The following MON2 variants were observed in gnomAD, a reference collection of about 807,000 sequenced individuals.
MON2 encodes protein MON2 homolog.
A neutral mutation model predicts 208.6 loss-of-function variants in MON2; 84 were observed. That is an observed-to-expected ratio of 0.40 (90% CI 0.34 to 0.48). The LOEUF (loss-of-function observed/expected upper bound fraction) is 0.48, where lower values mean the gene tolerates loss of function less well. MON2 is among the 20% of genes least tolerant of loss of function. The pLI is 0.59. For missense variants in MON2, 1,611 were observed against 2,015.4 expected (o/e 0.80, Z 3.84); for synonymous variants, 660 against 694.0 (o/e 0.95, Z 0.77).
chr12:62,572,063 C>G (rs901703863), intron 30 of MON2, among the ~76,000 whole-genome samples: 5 of 152,204 alleles, frequency 3.3e-5, no homozygotes, highest in African/African-American at 1.2e-4. Flanking sequence ...TTCAACCCCT[C>G]ACTGAACTAC....
intron 34 of MON2, among the ~76,000 whole-genome samples, chr12:62,589,348 G>GA (rs2075319334): frequency 6.6e-6 from 1 of 152,014 alleles, no homozygotes; most frequent in Non-Finnish European, 1.5e-5. Context: ...TAATATCCAA[G>GA]AAAAAAGTAG....
intron 1 of MON2, among the ~76,000 whole-genome samples, chr12:62,474,935 T>C (rs1263568493): frequency 6.6e-6 from 1 of 152,204 alleles, no homozygotes; most frequent in Non-Finnish European, 1.5e-5. Context: ...TTCTCAGCTA[T>C]TATGCTAGTT....
chr12:62,510,592 A>T (rs1289402315), intron 8 of MON2, among the ~76,000 whole-genome samples: 2 of 152,218 alleles, frequency 1.3e-5, no homozygotes, highest in Non-Finnish European at 2.9e-5. Context: ...TCATCCTTTC[A>T]TGATAAAAAC....
chr12:62,562,209 A>G (rs1309205599), intron 26 of MON2, among the ~76,000 whole-genome samples: 2 of 152,114 alleles, frequency 1.3e-5, no homozygotes, highest in Non-Finnish European at 2.9e-5. Context: ...AAAAGAAAAT[A>G]AGACATAGGC....
chr12:62,539,424 C>T (rs866879376), intron 19 of MON2, among the ~76,000 whole-genome samples: 7 of 151,756 alleles, frequency 4.6e-5, no homozygotes, highest in Admixed American at 2.0e-4. Flanking sequence ...CCACCACGCC[C>T]GGCTAATTTT....
chr12:62,495,043 C>T lies in MON2; in HGVS notation c.331C>T (p.Leu111Phe). The part of the protein sequence containing the change: ...ETAAGNIINM[L>F]WQLMENSLEE... Reference sequence around the variant, plus strand: ...TGCAGCTGGAAATATAATTAACATGCTTTGGCAGCTAATGGAGAATAGTCT... The same window carrying T: ...TGCAGCTGGAAATATAATTAACATGTTTTGGCAGCTAATGGAGAATAGTCT... Residue 111 changes from leucine to phenylalanine, a missense_variant, in exon 4 of 35, where the codon CTT (leucine) becomes TTT (phenylalanine). Transcript: ENST00000393630. 1 of 1,608,830 alleles carries T rather than the reference C, an allele frequency of 6.2e-7. No individual in the cohort carries two copies. Among genetic ancestry groups the T allele is most frequent in the Non-Finnish European group, 8.5e-7 (1 of 1,176,520 alleles).
chr12:62,562,910 AATTT>A (rs768871699), intron 26 of MON2, among the ~76,000 whole-genome samples: 19 of 152,248 alleles, frequency 1.2e-4, no homozygotes, highest in African/African-American at 4.3e-4. Context: ...TATATGTGCT[AATTT>A]ATTTATTTAT....
chr12:62,528,250 C>G (rs540374587), intron 11 of MON2, among the ~76,000 whole-genome samples: 1 of 152,222 alleles, frequency 6.6e-6, no homozygotes, highest in African/African-American at 2.4e-5. Context: ...AATGATTTCA[C>G]TATTTTCTTT....
At chr12:62,508,202 G>C (rs2071201900) in intron 7 of MON2, 84 bp from the exon 8 acceptor site, 1 of 1,016,524 alleles carries the variant, frequency 9.8e-7, no homozygotes, top group Non-Finnish European at 1.5e-6. Flanking sequence ...AAGAAGTTTT[G>C]TTTCCTAGTG....
At chr12:62,575,880 A>C (rs2074757765) in intron 30 of MON2, among the ~76,000 whole-genome samples, 1 of 152,190 alleles carries the variant, frequency 6.6e-6, no homozygotes, top group African/African-American at 2.4e-5. Context: ...GTTATAAAGG[A>C]GACACAATGG....
At chr12:62,563,124 C>T (rs895635523) in intron 26 of MON2, among the ~76,000 whole-genome samples, 1 of 152,314 alleles carries the variant, frequency 6.6e-6, no homozygotes, top group Middle Eastern at 3.4e-3. Context: ...GACAGCATCA[C>T]ATTGTATGTG....
chr12:62,513,976 A>G (rs1006313158), intron 8 of MON2, among the ~76,000 whole-genome samples: 3 of 147,136 alleles, frequency 2.0e-5, no homozygotes, highest in Admixed American at 6.9e-5. Flanking sequence ...AAAGAAAGAA[A>G]GAAATGCCTT....
In MON2 at chr12:62,561,120, T is replaced by C. The variant is rs1210849971; in HGVS notation, c.4032+7T>C. ...TTTAGATGTTCTCCAAAAGGTAATA[T>C]AATTTTAGTGGCTAAGTAATACTGC... is the stretch of plus-strand genomic sequence containing the variant. On this transcript the variant is annotated splice_region_variant and intron_variant, in intron 26 of 34. Transcript: ENST00000393630. The C allele has an allele frequency of 6.3e-7, 1 of 1,580,568 alleles. No homozygotes were observed. Among genetic ancestry groups the C allele is most frequent in the Non-Finnish European group, 8.6e-7 (1 of 1,166,698 alleles).
chr12:62,503,092 T>C lies in MON2; in HGVS notation c.789+1394T>C, dbSNP rs1321877550. Among the ~76,000 whole-genome samples, 3 of 152,220 alleles carry C rather than the reference T, an allele frequency of 2.0e-5. No homozygotes were observed. The East Asian group carries it at 5.8e-4, about 29-fold the overall frequency. ...TAAATAATAGTCATAGTAGCTGTCA[T>C]TTCTTGACTGCCTTCTATGTGCTAT... On this transcript the variant is annotated intron_variant, in intron 7 of 34. Coordinates refer to ENST00000393630, the MANE Select transcript of MON2 (RefSeq NM_015026.3).
At chr12:62,517,330 A>T (rs1227839764) in intron 8 of MON2, among the ~76,000 whole-genome samples, 8 of 152,178 alleles carry the variant, frequency 5.3e-5, no homozygotes, top group African/African-American at 1.9e-4. Flanking sequence ...AACAAATGCA[A>T]AATTCACATT....
chr12:62,524,955 T>C, intron 9 of MON2, 129 bp from the exon 10 acceptor site: 1 of 842,140 alleles, frequency 1.2e-6, no homozygotes, highest in South Asian at 2.1e-5. Context: ...GTAAAATTAC[T>C]GAGTTGTAAT....
intron 8 of MON2, among the ~76,000 whole-genome samples, chr12:62,511,442 G>A (rs781393472): frequency 1.3e-5 from 2 of 152,106 alleles, no homozygotes; most frequent in Non-Finnish European, 2.9e-5. Flanking sequence ...AGAATGGAGA[G>A]CCCAAAAATA....
Position 62,466,954 on chromosome 12 carries a change from G to T in MON2, c.-254G>T. 5.7e-6 allele frequency: 3 copies of T among 522,210 alleles called. No individual in the cohort carries two copies. The highest frequency in any genetic ancestry group is 6.8e-6 in the Non-Finnish European group (2 of 294,636). 32.3% of individuals were successfully genotyped at this position (522,210 alleles called of 1,614,324 possible). Reference sequence around the variant, plus strand: ...AGCGGAGGGACCTGCCCGCCTTGTGGGTTTCTCGGCCAGAGTCGGCGGAGC... The same window carrying T: ...AGCGGAGGGACCTGCCCGCCTTGTGTGTTTCTCGGCCAGAGTCGGCGGAGC... On this transcript the variant is annotated 5_prime_UTR_variant, in exon 1 of 35. Transcript: ENST00000393630.
chr12:62,549,888 G>A (rs2073667603), intron 23 of MON2, 58 bp downstream of exon 23: 13 of 1,140,778 alleles, frequency 1.1e-5, no homozygotes, highest in Admixed American at 2.9e-5. Context: ...TATTCAGTTG[G>A]GAGTGAATGC....
Sources: allele counts gnomAD v4.1 joint callset (sites outside exome capture counted in the v4.1 genomes callset), GRCh38; gene constraint gnomAD v4.1.1; transcripts MANE v1.5; gene names NCBI Gene and HGNC (gene_info 2026-07-23, HGNC 2026-07-21).